PHF20: variants seen among roughly 807,000 people sequenced by gnomAD.
PHF20 encodes the protein glioma-expressed antigen 2.
In PHF20, 23 loss-of-function variants were observed where a neutral mutation model predicts 113.5. The observed-to-expected ratio is 0.20, with a 90% CI of 0.15 to 0.29. The LOEUF (loss-of-function observed/expected upper bound fraction) is 0.29. Among genes scored for constraint, PHF20 ranks in the 10% least tolerant of loss-of-function variants. PHF20 has a pLI of 1.00. For synonymous variants in PHF20, 434 were observed against 457.3 expected (o/e 0.95, Z 0.65); for missense variants, 943 against 1,219.6 (o/e 0.77, Z 3.38).
At chr20:35,926,670 G>A (rs995968415) in intron 13 of PHF20, among the ~76,000 whole-genome samples, 3 of 152,116 alleles carry the variant, frequency 2.0e-5, no homozygotes, top group African/African-American at 7.2e-5. Flanking sequence ...TCTAAAGCCT[G>A]TCTTCCCGCT....
At chr20:35,772,627 G>A (rs890200601) in intron 1 of PHF20, among the ~76,000 whole-genome samples, 1 of 151,906 alleles carries the variant, frequency 6.6e-6, no homozygotes. Context: ...CTCTAGCTCT[G>A]GAATTTTATC....
At chr20:35,908,396 C>G (rs1484463410) in intron 10 of PHF20, among the ~76,000 whole-genome samples, 3 of 152,242 alleles carry the variant, frequency 2.0e-5, no homozygotes, top group Non-Finnish European at 2.9e-5. Context: ...TATGCCCTAG[C>G]ATTGGGCAGT....
chr20:35,784,267 T>G (rs946064740), intron 1 of PHF20, among the ~76,000 whole-genome samples: 3 of 151,800 alleles, frequency 2.0e-5, no homozygotes, highest in Admixed American at 2.0e-4. Context: ...TTAGCCAGGC[T>G]GGTCTTGAAC....
Position 35,931,481 on chromosome 20 carries a change from T to C in PHF20, c.2300+37T>C, listed in dbSNP as rs746414993. The C allele has an allele frequency of 6.1e-5, 94 of 1,547,824 alleles. 1 individual carries two copies. The highest frequency in any genetic ancestry group is 6.1e-5 in the Non-Finnish European group (69 of 1,127,774). ...ACCTGCAGTGCTGGGAGCAGTCTGT[T>C]TGGCATGGTCTGGGGGCTGAGTAAA... On this transcript the variant is annotated intron_variant, in intron 15 of 17. Transcript: ENST00000374012.
At chr20:35,901,408 C>CT (rs1295656369) in intron 10 of PHF20, among the ~76,000 whole-genome samples, 1 of 125,990 alleles carries the variant, frequency 7.9e-6, no homozygotes. Context: ...GAGCAAAACT[C>CT]TGTCTAAAAA....
chr20:35,893,827 G>A (rs1200932114), intron 9 of PHF20, among the ~76,000 whole-genome samples: 2 of 152,108 alleles, frequency 1.3e-5, no homozygotes, highest in Admixed American at 1.3e-4. Context: ...TGTTGGCCAG[G>A]CTGGTCTTGA....
chr20:35,821,255 C>G (rs985259123), intron 2 of PHF20, among the ~76,000 whole-genome samples: 7 of 151,700 alleles, frequency 4.6e-5, no homozygotes, highest in African/African-American at 1.7e-4. Flanking sequence ...TTGAGACCAG[C>G]CTGGCTGACA....
chr20:35,827,927 C>T (rs1361232405), intron 2 of PHF20, among the ~76,000 whole-genome samples: 2 of 152,064 alleles, frequency 1.3e-5, no homozygotes, highest in Non-Finnish European at 2.9e-5. Context: ...ATAATAATGA[C>T]TCCTTAAGTC....
chr20:35,902,945 T>C (rs2055125302), intron 10 of PHF20, among the ~76,000 whole-genome samples: 1 of 151,792 alleles, frequency 6.6e-6, no homozygotes, highest in Admixed American at 6.6e-5. Context: ...ACTGATGAGC[T>C]ACAAAACCAA....
intron 9 of PHF20, among the ~76,000 whole-genome samples, chr20:35,883,464 G>A: frequency 6.6e-6 from 1 of 152,008 alleles, no homozygotes; most frequent in Non-Finnish European, 1.5e-5. Context: ...TTTGAGACAG[G>A]GTCTCACTCT....
At chr20:35,795,751 G>A (rs147656813) in intron 1 of PHF20, among the ~76,000 whole-genome samples, 183 of 152,242 alleles carry the variant, frequency 1.2e-3, no homozygotes, top group African/African-American at 4.2e-3. Context: ...TACTATGTGA[G>A]TGTCCTTAAC....
chr20:35,780,946 C>G (rs1162264671), intron 1 of PHF20, among the ~76,000 whole-genome samples: 17 of 150,138 alleles, frequency 1.1e-4, no homozygotes, highest in African/African-American at 3.9e-4. Context: ...CTCCGCCTCC[C>G]GAGTTCAAGT....
chr20:35,838,652 G>A (rs1254999061), intron 2 of PHF20, among the ~76,000 whole-genome samples: 2 of 152,104 alleles, frequency 1.3e-5, no homozygotes, highest in Admixed American at 6.6e-5. Flanking sequence ...AGTTGTTATC[G>A]TTTTAACTTA....
At chr20:35,938,390 C>T (rs949354681) in intron 15 of PHF20, among the ~76,000 whole-genome samples, 3 of 152,048 alleles carry the variant, frequency 2.0e-5, no homozygotes, top group Non-Finnish European at 4.4e-5. Flanking sequence ...ATAATTAGCC[C>T]AGTTTCACAG....
chr20:35,802,675 C>T (rs1254876776), intron 2 of PHF20, among the ~76,000 whole-genome samples: 3 of 152,112 alleles, frequency 2.0e-5, no homozygotes, highest in Non-Finnish European at 4.4e-5. Context: ...CGGTGGCTCA[C>T]GCCTGTAATC....
intron 1 of PHF20, among the ~76,000 whole-genome samples, chr20:35,773,295 C>T (rs944665564): frequency 6.6e-6 from 1 of 152,166 alleles, no homozygotes; most frequent in Non-Finnish European, 1.5e-5. Flanking sequence ...TGCCTTCCTA[C>T]CCTGTTTAGC....
intron 17 of PHF20, among the ~76,000 whole-genome samples, chr20:35,942,320 ATAT>A (rs2055998379): frequency 6.6e-6 from 1 of 152,170 alleles, no homozygotes. Flanking sequence ...TGTGAAAAAC[ATAT>A]TATTAGAGAG....
chr20:35,900,845 A>C (rs1423752505), intron 10 of PHF20, among the ~76,000 whole-genome samples: 1 of 152,156 alleles, frequency 6.6e-6, no homozygotes, highest in East Asian at 1.9e-4. Context: ...TCAAAACAAC[A>C]ACCAAATAAG....
chr20:35,860,366 G>T (rs1336213456), intron 5 of PHF20, among the ~76,000 whole-genome samples: 3 of 149,696 alleles, frequency 2.0e-5, no homozygotes, highest in African/African-American at 4.9e-5. Flanking sequence ...TCAGCCTCCT[G>T]AGTAGCCGGG....
Sources: allele counts gnomAD v4.1 joint callset (sites outside exome capture counted in the v4.1 genomes callset), GRCh38; gene constraint gnomAD v4.1.1; transcripts MANE v1.5; gene names NCBI Gene and HGNC (gene_info 2026-07-23, HGNC 2026-07-21).